GRID2: variants seen among roughly 807,000 people sequenced by gnomAD.
GRID2 encodes glutamate receptor ionotropic, delta-2.
In GRID2, 33 loss-of-function variants were observed where a neutral mutation model predicts 114.8. That is an observed-to-expected ratio of 0.29 (90% CI 0.22 to 0.38). The LOEUF (loss-of-function observed/expected upper bound fraction) is 0.38. Among genes scored for constraint, GRID2 ranks in the 10% least tolerant of loss-of-function variants. The probability of loss-of-function intolerance (pLI) is 1.00; values close to 1 mark genes in which losing one functional copy is unlikely to be tolerated. For missense variants in GRID2, 1,184 were observed against 1,257.7 expected, an observed-to-expected ratio of 0.94 and a Z score of 0.89; for synonymous variants, 505 against 449.9, an observed-to-expected ratio of 1.12 and a Z score of -1.55.
At chr4:92,539,067 T>A (rs865865936) in intron 1 of GRID2, among the ~76,000 whole-genome samples, 33 of 80,598 alleles carry the variant, frequency 4.1e-4, no homozygotes, top group Middle Eastern at 9.1e-3. Context: ...AAGTGTCTAA[T>A]AGGAGATGAA....
intron 2 of GRID2, among the ~76,000 whole-genome samples, chr4:92,932,024 G>C (rs1750278086): frequency 6.6e-6 from 1 of 151,026 alleles, no homozygotes; most frequent in South Asian, 2.1e-4. Context: ...TTCTCAATTT[G>C]GAAGTAGGCA....
At chr4:92,475,366 T>C (rs940881187) in intron 1 of GRID2, among the ~76,000 whole-genome samples, 3 of 151,318 alleles carry the variant, frequency 2.0e-5, no homozygotes, top group African/African-American at 7.3e-5. Flanking sequence ...GAAGTAAGGA[T>C]ATAATTTCAG....
At chr4:93,578,619 A>C (rs1486604396) in intron 13 of GRID2, among the ~76,000 whole-genome samples, 2 of 91,276 alleles carry the variant, frequency 2.2e-5, no homozygotes, top group Admixed American at 3.1e-4. Flanking sequence ...TTTGAGTTGG[A>C]GTCTCACTCT....
chr4:92,680,102 T>C (rs1033839685), intron 2 of GRID2, among the ~76,000 whole-genome samples: 2 of 151,748 alleles, frequency 1.3e-5, no homozygotes, highest in African/African-American at 4.8e-5. Flanking sequence ...TTTACTGGAG[T>C]TTTAGAAGGT....
intron 4 of GRID2, among the ~76,000 whole-genome samples, chr4:93,195,697 G>A (rs994411356): frequency 1.3e-5 from 2 of 152,142 alleles, no homozygotes; most frequent in Non-Finnish European, 2.9e-5. Context: ...CTAGGGGTTA[G>A]AAGCCATGAA....
At chr4:92,852,809 C>A (rs1743919932) in intron 2 of GRID2, among the ~76,000 whole-genome samples, 1 of 151,904 alleles carries the variant, frequency 6.6e-6, no homozygotes, top group South Asian at 2.1e-4. Context: ...AGCACATACT[C>A]TTTCTTCTGC....
intron 4 of GRID2, among the ~76,000 whole-genome samples, chr4:93,139,596 T>A (rs572605460): frequency 7.2e-5 from 11 of 152,200 alleles, no homozygotes; most frequent in Admixed American, 7.2e-4. Flanking sequence ...AATCACCTTT[T>A]CTTGGTCTGT....
chr4:93,015,708 A>AGTTTGAGTTTTTCAAGCTGT (rs1722620827), intron 2 of GRID2, among the ~76,000 whole-genome samples: 1 of 152,080 alleles, frequency 6.6e-6, no homozygotes, highest in Non-Finnish European at 1.5e-5. Context: ...ATTCTGTTTT[A>AGTTTGAGTTTTTCAAGCTGT]CTCCTAAACT....
At chr4:92,968,734 C>A (rs1308518172) in intron 2 of GRID2, among the ~76,000 whole-genome samples, 2 of 151,824 alleles carry the variant, frequency 1.3e-5, no homozygotes, top group Non-Finnish European at 2.9e-5. Flanking sequence ...TTAATAGTCA[C>A]TCTTCATTTA....
chr4:92,991,006 T>C (rs962968206), intron 2 of GRID2, among the ~76,000 whole-genome samples: 1 of 152,212 alleles, frequency 6.6e-6, no homozygotes, highest in African/African-American at 2.4e-5. Flanking sequence ...CCATCTTGAA[T>C]GTCAGCTCAA....
intron 14 of GRID2, among the ~76,000 whole-genome samples, chr4:93,637,962 A>G (rs933974265): frequency 5.9e-5 from 9 of 152,172 alleles, no homozygotes; most frequent in African/African-American, 2.2e-4. Flanking sequence ...AATATGAAAC[A>G]GAATCTGATA....
At chr4:92,674,049 T>G (rs1415378089) in intron 2 of GRID2, among the ~76,000 whole-genome samples, 1 of 152,174 alleles carries the variant, frequency 6.6e-6, no homozygotes, top group Admixed American at 6.5e-5. Context: ...ATACACTGTT[T>G]ATTACAAGCT....
At chr4:93,483,149 A>G (rs1359865853) in intron 11 of GRID2, among the ~76,000 whole-genome samples, 1 of 151,930 alleles carries the variant, frequency 6.6e-6, no homozygotes, top group Non-Finnish European at 1.5e-5. Flanking sequence ...AATTCCAACA[A>G]TATCATCTTT....
chr4:93,314,459 C>A (rs574872108), intron 8 of GRID2, among the ~76,000 whole-genome samples: 1 of 152,026 alleles, frequency 6.6e-6, no homozygotes, highest in Non-Finnish European at 1.5e-5. Flanking sequence ...CACTCTACTG[C>A]AGGTAGAAGC....
intron 8 of GRID2, among the ~76,000 whole-genome samples, chr4:93,298,109 C>G (rs768592318): frequency 7.2e-5 from 11 of 152,066 alleles, no homozygotes; most frequent in African/African-American, 1.2e-4. Flanking sequence ...CATCTTTGCC[C>G]AAATATGGTC....
chr4:92,970,062 AAC>A (rs1483233315), intron 2 of GRID2, among the ~76,000 whole-genome samples: 1 of 152,006 alleles, frequency 6.6e-6, no homozygotes, highest in Admixed American at 6.6e-5. Flanking sequence ...TCATTTATTC[AAC>A]AGAGTTAGTT....
intron 2 of GRID2, among the ~76,000 whole-genome samples, chr4:92,888,746 C>G (rs920653001): frequency 6.6e-6 from 1 of 151,432 alleles, no homozygotes; most frequent in African/African-American, 2.4e-5. Flanking sequence ...TAGCTTCAAA[C>G]ATTTTTATAA....
At chr4:92,629,067 T>C (rs142921396) in intron 2 of GRID2, among the ~76,000 whole-genome samples, 102 of 152,088 alleles carry the variant, frequency 6.7e-4, no homozygotes, top group African/African-American at 2.3e-3. Flanking sequence ...GCTCACTAGA[T>C]ACAGTTAATA....
chr4:93,023,093 T>TTGTGTGTGTGTG (rs370431407), intron 2 of GRID2, among the ~76,000 whole-genome samples: 3 of 143,848 alleles, frequency 2.1e-5, no homozygotes, highest in African/African-American at 7.6e-5. Flanking sequence ...CAGAGAACAT[T>TTGTGTGTGTGTG]TGTGTGTGTG....
Sources: allele counts gnomAD v4.1 joint callset (sites outside exome capture counted in the v4.1 genomes callset), GRCh38; gene constraint gnomAD v4.1.1; transcripts MANE v1.5; gene names NCBI Gene and HGNC (gene_info 2026-07-23, HGNC 2026-07-21).